The following EIF4G3 variants were observed in gnomAD, a reference collection of about 807,000 sequenced individuals.
EIF4G3 encodes the protein eIF-4-gamma 3.
In EIF4G3, 34 loss-of-function variants were observed where a neutral mutation model predicts 186.4. The ratio of observed to expected loss-of-function variants is 0.18; its 90% CI spans 0.14 to 0.24. EIF4G3 has a LOEUF of 0.24. EIF4G3 is among the 10% of genes least tolerant of loss of function. The pLI is 1.00. For missense variants in EIF4G3, 1,536 were observed against 1,948.5 expected (o/e 0.79, Z 3.99); for synonymous variants, 673 against 679.5 (o/e 0.99, Z 0.15).
intron 14 of EIF4G3, among the ~76,000 whole-genome samples, chr1:20,927,398 A>T (rs1357419000): frequency 6.6e-6 from 1 of 152,250 alleles, no homozygotes; most frequent in African/African-American, 2.4e-5. Flanking sequence ...TGTACCCTTG[A>T]AACGACTATT....
chr1:20,863,378 TAAAAAAAAA>T (rs3051243), intron 22 of EIF4G3, among the ~76,000 whole-genome samples: 52 of 102,478 alleles, frequency 5.1e-4, no homozygotes, highest in South Asian at 5.9e-4. Flanking sequence ...CTACAAAAAG[TAAAAAAAAA>T]AAAAAAAAAA....
intron 14 of EIF4G3, chr1:20,929,656 C>T (rs915639355): frequency 6.6e-6 from 1 of 152,078 alleles, no homozygotes; most frequent in African/African-American, 2.4e-5. Flanking sequence ...AGATGTTGTG[C>T]TAAGTACTTT....
rs551803466 is a variant in EIF4G3, at chr1:20,936,412, AAGG to A, written c.1663+5076_1663+5078del. 2.6e-5 allele frequency among the ~76,000 whole-genome samples: 4 copies of A among 152,290 alleles called. No homozygotes were observed. In the East Asian group the frequency reaches 7.7e-4, roughly 29 times the overall value. ...AGATGACAAAGAACCAGGAATGTGT[AAGG>A]AGTCCTGTTTCCATGTTTCCAGAAC... On this transcript the variant is annotated intron_variant, in intron 14 of 36. Transcript: ENST00000602326.
intron 2 of EIF4G3, among the ~76,000 whole-genome samples, chr1:21,095,782 T>C (rs1320897108): frequency 6.6e-6 from 1 of 151,764 alleles, no homozygotes; most frequent in African/African-American, 2.4e-5. Context: ...CCTGTAAGTT[T>C]AGAAACATAC....
intron 4 of EIF4G3, among the ~76,000 whole-genome samples, chr1:21,014,318 C>A (rs1379431188): frequency 1.3e-5 from 2 of 152,108 alleles, no homozygotes; most frequent in African/African-American, 4.8e-5. Flanking sequence ...GTTTTTATTT[C>A]TTTTTAACTC....
chr1:20,942,642 T>C (rs1285343301), intron 13 of EIF4G3, among the ~76,000 whole-genome samples: 1 of 152,122 alleles, frequency 6.6e-6, no homozygotes, highest in Non-Finnish European at 1.5e-5. Flanking sequence ...GGTTTAAGAG[T>C]GAGGCTTTTC....
intron 30 of EIF4G3, among the ~76,000 whole-genome samples, chr1:20,840,527 C>T (rs2068227373): frequency 6.6e-6 from 1 of 152,140 alleles, no homozygotes; most frequent in Non-Finnish European, 1.5e-5. Context: ...CCTCAAAGAA[C>T]ATTTGGGGAT....
At chr1:20,860,027 TTCC>T (rs1364225933) in intron 24 of EIF4G3, among the ~76,000 whole-genome samples, 1 of 152,230 alleles carries the variant, frequency 6.6e-6, no homozygotes, top group Non-Finnish European at 1.5e-5. Flanking sequence ...TTAACAAATG[TTCC>T]TCTTTTGCTT....
At chr1:21,111,310 C>T (rs1267932883) in intron 2 of EIF4G3, 2 of 471,140 alleles carry the variant, frequency 4.2e-6, no homozygotes, top group Admixed American at 2.4e-5. Flanking sequence ...GATTCGTTTG[C>T]CAGCTAGATT....
intron 7 of EIF4G3, among the ~76,000 whole-genome samples, chr1:20,996,999 T>C (rs1263241924): frequency 2.0e-5 from 3 of 152,190 alleles, no homozygotes; most frequent in Non-Finnish European, 4.4e-5. Flanking sequence ...TTATTTCATT[T>C]AAAAAATTAA....
rs1228065412 is a variant in EIF4G3, at chr1:20,950,123, AGT to A, written c.715-14_715-13del. 2 of 1,566,110 alleles carry A rather than the reference AGT, an allele frequency of 1.3e-6. No individual in the cohort carries two copies. The highest frequency in any genetic ancestry group is 8.6e-7 in the Non-Finnish European group (1 of 1,161,376). On this transcript the variant is annotated splice_polypyrimidine_tract_variant and intron_variant, in intron 12 of 36. Coordinates refer to ENST00000602326, the MANE Select transcript of EIF4G3 (RefSeq NM_001391906.1). ...TGGCTGGGCAGCTGCTGGGATTTGA[AGT>A]ACAAAAAAGGGTGATAATGAGCGTG...
intron 18 of EIF4G3, among the ~76,000 whole-genome samples, chr1:20,891,216 A>G (rs901487660): frequency 6.6e-6 from 1 of 152,216 alleles, no homozygotes; most frequent in Non-Finnish European, 1.5e-5. Context: ...CCTTTTTGTT[A>G]TAACTAGTTA....
intron 2 of EIF4G3, among the ~76,000 whole-genome samples, chr1:21,169,937 G>C (rs1324834817): frequency 6.6e-6 from 1 of 152,202 alleles, no homozygotes; most frequent in African/African-American, 2.4e-5. Context: ...AGCACTTTGG[G>C]AGGCCAAGGC....
chr1:20,927,129 C>T (rs1015446460), intron 14 of EIF4G3, among the ~76,000 whole-genome samples: 1 of 151,352 alleles, frequency 6.6e-6, no homozygotes, highest in African/African-American at 2.4e-5. Context: ...CTGCAACATC[C>T]GCCTCCTGGG....
At chr1:20,910,999 T>C (rs1259799578) in intron 14 of EIF4G3, among the ~76,000 whole-genome samples, 2 of 152,256 alleles carry the variant, frequency 1.3e-5, no homozygotes, top group African/African-American at 4.8e-5. Context: ...AGTAAAACTT[T>C]TAAAGTTGAT....
chr1:21,087,123 G>T (rs1201747856), intron 3 of EIF4G3, among the ~76,000 whole-genome samples: 1 of 151,984 alleles, frequency 6.6e-6, no homozygotes, highest in East Asian at 1.9e-4. Context: ...CTTTATATTA[G>T]AATTATTTAT....
intron 19 of EIF4G3, among the ~76,000 whole-genome samples, chr1:20,880,661 G>T (rs147998655): frequency 6.6e-6 from 1 of 152,178 alleles, no homozygotes; most frequent in African/African-American, 2.4e-5. Flanking sequence ...TGAGGCAGAA[G>T]AAACACTTGA....
At chr1:21,082,769 T>C (rs543123520) in intron 3 of EIF4G3, among the ~76,000 whole-genome samples, 1 of 152,110 alleles carries the variant, frequency 6.6e-6, no homozygotes, top group South Asian at 2.1e-4. Flanking sequence ...CCGGGCGCGG[T>C]GGCTCACGCC....
intron 14 of EIF4G3, among the ~76,000 whole-genome samples, chr1:20,938,363 G>C (rs1236467095): frequency 6.6e-6 from 1 of 152,142 alleles, no homozygotes; most frequent in African/African-American, 2.4e-5. Flanking sequence ...TTTTGCAGCA[G>C]AACTAAAAGA....
Sources: allele counts gnomAD v4.1 joint callset (sites outside exome capture counted in the v4.1 genomes callset), GRCh38; gene constraint gnomAD v4.1.1; transcripts MANE v1.5; gene names NCBI Gene and HGNC (gene_info 2026-07-23, HGNC 2026-07-21).